The following ST8SIA1 variants were observed in gnomAD, a reference collection of about 807,000 sequenced individuals.
ST8SIA1 encodes alpha-N-acetylneuraminide alpha-2,8-sialyltransferase.
A neutral mutation model predicts 35.9 loss-of-function variants in ST8SIA1; 16 were observed. The ratio of observed to expected loss-of-function variants is 0.45; its 90% CI spans 0.30 to 0.68. The LOEUF (loss-of-function observed/expected upper bound fraction) is 0.68, where lower values mean the gene tolerates loss of function less well. Ranked by LOEUF, ST8SIA1 falls within the 30% of genes least tolerant of loss-of-function variation. The pLI, the probability that ST8SIA1 is intolerant of heterozygous loss-of-function variation, is 0.09. For missense variants in ST8SIA1, 383 were observed against 453.6 expected (o/e 0.84, Z 1.41); for synonymous variants, 170 against 169.6 (o/e 1.00, Z -0.02).
At chr12:22,243,095 GA>G (rs1176844209) in intron 4 of ST8SIA1, among the ~76,000 whole-genome samples, 2 of 152,098 alleles carry the variant, frequency 1.3e-5, no homozygotes, top group African/African-American at 4.8e-5. Context: ...CTATAATTAT[GA>G]GTGCCTCTCA....
chr12:22,258,425 T>C (rs1865751488), intron 2 of ST8SIA1, among the ~76,000 whole-genome samples: 1 of 151,308 alleles, frequency 6.6e-6, no homozygotes, highest in Non-Finnish European at 1.5e-5. Context: ...GGAGACTGGA[T>C]GGTGAATGAG....
intron 4 of ST8SIA1, among the ~76,000 whole-genome samples, chr12:22,234,243 G>A (rs1479602743): frequency 1.4e-5 from 2 of 138,160 alleles, no homozygotes; most frequent in African/African-American, 5.4e-5. Flanking sequence ...CTGAGTGACA[G>A]ATCAAAACTC....
chr12:22,249,467 G>T (rs143294429), intron 3 of ST8SIA1, among the ~76,000 whole-genome samples: 1 of 152,006 alleles, frequency 6.6e-6, no homozygotes, highest in Non-Finnish European at 1.5e-5. Context: ...TGATCTGCCC[G>T]CCTTGGCCTC....
intron 3 of ST8SIA1, among the ~76,000 whole-genome samples, chr12:22,253,796 G>A (rs944135830): frequency 1.3e-5 from 2 of 152,162 alleles, no homozygotes; most frequent in Non-Finnish European, 2.9e-5. Context: ...TGAAGGAAAG[G>A]TGGGTATAGA....
At chr12:22,226,255 T>C (rs867423764) in intron 4 of ST8SIA1, among the ~76,000 whole-genome samples, 11 of 152,184 alleles carry the variant, frequency 7.2e-5, no homozygotes, top group Middle Eastern at 3.4e-3. Flanking sequence ...TACCATGACA[T>C]CTGTCCTGAA....
chr12:22,330,830 T>C (rs1156373011), intron 1 of ST8SIA1, among the ~76,000 whole-genome samples: 1 of 152,182 alleles, frequency 6.6e-6, no homozygotes, highest in Non-Finnish European at 1.5e-5. Context: ...CAGGTTCATT[T>C]CTGAGGAGCA....
chr12:22,313,965 T>C (rs1866484120), intron 1 of ST8SIA1, among the ~76,000 whole-genome samples: 1 of 150,918 alleles, frequency 6.6e-6, no homozygotes, highest in Non-Finnish European at 1.5e-5. Flanking sequence ...GGTGTGTCTA[T>C]GTTTGGGTTT....
chr12:22,234,705 T>C (rs1196329515), intron 4 of ST8SIA1, among the ~76,000 whole-genome samples: 1 of 152,192 alleles, frequency 6.6e-6, no homozygotes, highest in Non-Finnish European at 1.5e-5. Context: ...CATAATTTAA[T>C]TAGGAGGACA....
intron 4 of ST8SIA1, among the ~76,000 whole-genome samples, chr12:22,204,103 T>C (rs567497971): frequency 1.3e-5 from 2 of 152,216 alleles, no homozygotes; most frequent in African/African-American, 2.4e-5. Context: ...AAGTGCTCCA[T>C]CTTCCCCTCT....
chr12:22,312,724 A>C (rs973931750), intron 1 of ST8SIA1, among the ~76,000 whole-genome samples: 2 of 151,696 alleles, frequency 1.3e-5, no homozygotes, highest in African/African-American at 4.9e-5. Flanking sequence ...AAAAAAAAAA[A>C]AAAACAATAA....
At chr12:22,330,676 T>A (rs1866750802) in intron 1 of ST8SIA1, among the ~76,000 whole-genome samples, 1 of 152,188 alleles carries the variant, frequency 6.6e-6, no homozygotes, top group Non-Finnish European at 1.5e-5. Context: ...TATACAAGAT[T>A]CTTATGAGGA....
intron 4 of ST8SIA1, among the ~76,000 whole-genome samples, chr12:22,220,470 C>T (rs557175065): frequency 4.6e-5 from 7 of 152,220 alleles, no homozygotes; most frequent in Middle Eastern, 3.4e-3. Flanking sequence ...AATTAACATA[C>T]GGATTTTTGT....
At chr12:22,269,247 T>C (rs1414465044) in intron 2 of ST8SIA1, among the ~76,000 whole-genome samples, 1 of 152,044 alleles carries the variant, frequency 6.6e-6, no homozygotes, top group Non-Finnish European at 1.5e-5. Context: ...AAATACAGGG[T>C]TGTTTTTTTT....
intron 2 of ST8SIA1, among the ~76,000 whole-genome samples, chr12:22,260,535 C>T (rs555659768): frequency 1.6e-4 from 24 of 152,222 alleles, no homozygotes; most frequent in African/African-American, 5.8e-4. Context: ...GTAACTGTTC[C>T]ATCTGTTAAT....
intron 4 of ST8SIA1, among the ~76,000 whole-genome samples, chr12:22,203,409 T>C (rs1242737794): frequency 6.6e-6 from 1 of 152,140 alleles, no homozygotes; most frequent in Admixed American, 6.5e-5. Flanking sequence ...TTATGTGAAA[T>C]TAAAGTTCTG....
At position 22,298,319 on chromosome 12, in the gene ST8SIA1, C is replaced by A. The variant is rs567832761; in HGVS notation, c.237-11026G>T. ...CAGTCAGATGCACTGGTAAAACAAC[C>A]TGGGGCTTGTCACTGGCATCTAAAG... On this transcript the variant is annotated intron_variant, in intron 1 of 4. Transcript: ENST00000396037. Among the ~76,000 whole-genome samples the A allele has an allele frequency of 8.1e-4, 124 of 152,302 alleles. 1 individual carries two copies. The highest frequency in any genetic ancestry group is 1.1e-3 in the Non-Finnish European group (76 of 68,032).
chr12:22,284,717 A>C (rs748020713), intron 2 of ST8SIA1, among the ~76,000 whole-genome samples: 1 of 152,194 alleles, frequency 6.6e-6, no homozygotes, highest in Non-Finnish European at 1.5e-5. Context: ...TTCTTCCTTT[A>C]TTATTCAAGG....
rs1865016642 is a variant in ST8SIA1 at position 22,198,604 on chromosome 12, A to G, written c.*2948T>C. On this transcript the variant is annotated 3_prime_UTR_variant, in exon 5 of 5. Transcript: ENST00000396037. ...CCAATTATGTCCAAAAGGCATATGTATGGTGTATCTAGTGAGTTGTAATCT... is the reference window on the plus strand; with the variant it reads ...CCAATTATGTCCAAAAGGCATATGTGTGGTGTATCTAGTGAGTTGTAATCT... 1 of 151,762 alleles carries G rather than the reference A, an allele frequency of 6.6e-6. No homozygotes were observed. The highest frequency in any genetic ancestry group is 2.1e-4 in the South Asian group (1 of 4,822). 9.4% of individuals were successfully genotyped at this position (151,762 alleles called of 1,614,324 possible).
chr12:22,213,169 C>G (rs548188038), intron 4 of ST8SIA1, among the ~76,000 whole-genome samples: 1 of 152,218 alleles, frequency 6.6e-6, no homozygotes, highest in South Asian at 2.1e-4. Context: ...CAATCAGCCG[C>G]ACCCATTCCC....
Sources: allele counts gnomAD v4.1 joint callset (sites outside exome capture counted in the v4.1 genomes callset), GRCh38; gene constraint gnomAD v4.1.1; transcripts MANE v1.5; gene names NCBI Gene and HGNC (gene_info 2026-07-23, HGNC 2026-07-21).